Variants in DIP2A observed in about 807,000 individuals in gnomAD.
DIP2A encodes disco-interacting protein 2 homolog A.
DIP2A carries 85 observed loss-of-function variants against 177.4 expected under a neutral mutation model. The ratio of observed to expected loss-of-function variants is 0.48; its 90% CI spans 0.40 to 0.57. The LOEUF is 0.57. Ranked by LOEUF, DIP2A falls within the 20% of genes least tolerant of loss-of-function variation. The pLI is 0.00. For missense variants in DIP2A, 1,791 were observed against 2,100.2 expected, an observed-to-expected ratio of 0.85 and a Z score of 2.88; for synonymous variants, 886 against 881.8, an observed-to-expected ratio of 1.00 and a Z score of -0.08.
At chr21:46,558,094 C>A in intron 31 of DIP2A, 129 bp from the exon 32 acceptor site, 1 of 959,090 alleles carries the variant, frequency 1.0e-6, no homozygotes, top group Non-Finnish European at 1.5e-6. Flanking sequence ...ACAGACACAG[C>A]CTGCGGAGAG....
At position 46,533,586 on chromosome 21, in the gene DIP2A, C is replaced by T. The variant is rs1335360011; in HGVS notation, c.1368C>T (p.Thr456=). ...LGSCGVFLAL[T]TDACQKGLPK... is the part of the protein sequence containing the mutation. ...GCTGTGGAGTCTTCTTGGCCCTGAC[C>T]ACAGACGCTTGTCAGAAAGGCCTCC... Residue 456 remains threonine (T), a synonymous_variant, in exon 11 of 38, where the codon ACC becomes ACT. Transcript: ENST00000417564. The T allele has an allele frequency of 6.2e-7, 1 of 1,613,998 alleles. No homozygotes were observed. The highest frequency in any genetic ancestry group is 8.5e-7 in the Non-Finnish European group (1 of 1,179,890).
chr21:46,475,190 G>T (rs2055740441), intron 1 of DIP2A, among the ~76,000 whole-genome samples: 1 of 152,228 alleles, frequency 6.6e-6, no homozygotes. Context: ...TGCAAGGCTA[G>T]TCTAAGTTTT....
intron 13 of DIP2A, among the ~76,000 whole-genome samples, chr21:46,535,871 G>A (rs1009018893): frequency 6.6e-6 from 1 of 152,136 alleles, no homozygotes; most frequent in Non-Finnish European, 1.5e-5. Flanking sequence ...GAGCCCAGGA[G>A]TTTTGGGCTG....
chr21:46,511,334 A>G, intron 7 of DIP2A, 83 bp from the exon 8 acceptor site: 13 of 1,381,742 alleles, frequency 9.4e-6, no homozygotes, highest in Non-Finnish European at 1.3e-5. Flanking sequence ...AAAAAACAAT[A>G]TTATAAACTA....
chr21:46,484,809 T>G lies in DIP2A; in HGVS notation c.144T>G (p.Arg48=), dbSNP rs2056579264. 2.5e-6 allele frequency: 4 copies of G among 1,585,902 alleles called. No individual in the cohort carries two copies. The highest frequency in any genetic ancestry group is 3.4e-6 in the Non-Finnish European group (4 of 1,165,630). The stretch of plus-strand genomic sequence containing the variant: ...AGAAAAGGGCAAAGCTGCTTGCACG[T>G]TATATACCGCTTATTCAAGGTAAGG... ...YEKKRAKLLA[R]YIPLIQGIDP... is the part of the protein sequence containing the mutation. Residue 48 remains arginine (R), a synonymous_variant, in exon 2 of 38, where the codon CGT becomes CGG. Transcript: ENST00000417564.
At chr21:46,499,409 C>T (rs530674366) in intron 5 of DIP2A, among the ~76,000 whole-genome samples, 3 of 152,230 alleles carry the variant, frequency 2.0e-5, no homozygotes, top group African/African-American at 7.2e-5. Flanking sequence ...TTGACCTGGC[C>T]GCCTCTCTGT....
rs1238568050 is a variant in DIP2A, at chr21:46,498,385, C to T, written c.404-197C>T. 6.6e-6 allele frequency among the ~76,000 whole-genome samples: 1 copy of T among 152,124 alleles called. No homozygotes were observed. Among genetic ancestry groups the T allele is most frequent in the African/African-American group, 2.4e-5 (1 of 41,420 alleles). ...AGCTGGGGGCTCATGGAATCATTTT[C>T]CCCACAGTAGGGCTTCTTGCATGCC... On this transcript the variant is annotated intron_variant, in intron 4 of 37. Transcript: ENST00000417564. The surrounding 1 kb of genome is among the most constrained non-coding windows in gnomAD (Gnocchi z 4.3).
At chr21:46,570,024 ATTC>A (rs2060937427), downstream of DIP2A, among the ~76,000 whole-genome samples, 1 of 152,200 alleles carries the variant, frequency 6.6e-6, no homozygotes. Flanking sequence ...TATTACATAT[ATTC>A]TTCTACATGT....
At chr21:46,549,219 C>T (rs186387308) in intron 21 of DIP2A, among the ~76,000 whole-genome samples, 1 of 152,224 alleles carries the variant, frequency 6.6e-6, no homozygotes, top group Non-Finnish European at 1.5e-5. Context: ...GAATGGTAGA[C>T]ATCCTAACAT....
chr21:46,469,002 C>T (rs2055115027), intron 1 of DIP2A: 1 of 152,232 alleles, frequency 6.6e-6, no homozygotes, highest in African/African-American at 2.4e-5. Flanking sequence ...CTGCCTTCTA[C>T]TAAAGCCCCC....
intron 1 of DIP2A, 54 bp from the exon 2 acceptor site, chr21:46,484,703 T>A (rs1293158277): frequency 6.8e-7 from 1 of 1,468,740 alleles, no homozygotes; most frequent in Admixed American, 2.3e-5. Flanking sequence ...TGTTTAATTT[T>A]AAAATTTTGG....
At chr21:46,466,140 G>A (rs1409876114) in intron 1 of DIP2A, among the ~76,000 whole-genome samples, 1 of 152,226 alleles carries the variant, frequency 6.6e-6, no homozygotes, top group South Asian at 2.1e-4. Context: ...TAATGAATGA[G>A]TATTTGATAT....
intron 1 of DIP2A, among the ~76,000 whole-genome samples, chr21:46,474,579 A>G (rs564974833): frequency 1.2e-4 from 18 of 152,324 alleles, no homozygotes; most frequent in African/African-American, 3.8e-4. Flanking sequence ...ACCAATCATC[A>G]GGCAAAGATG....
intron 28 of DIP2A, 66 bp downstream of exon 28, chr21:46,554,999 C>A: frequency 6.7e-7 from 1 of 1,483,106 alleles, no homozygotes. Flanking sequence ...GTGGTGTGGC[C>A]TGGCTGCCGT....
intron 8 of DIP2A, among the ~76,000 whole-genome samples, chr21:46,526,615 G>C (rs972812006): frequency 7.2e-5 from 11 of 152,038 alleles, no homozygotes; most frequent in Non-Finnish European, 2.9e-5. Context: ...GGCTGGTCTT[G>C]AACGCCTCAG....
rs1363887957 is a variant in DIP2A at position 46,493,286 on chromosome 21, A to G, written c.283+2567A>G. Among the ~76,000 whole-genome samples the G allele has an allele frequency of 3.3e-5, 5 of 152,152 alleles. No homozygotes were observed. The South Asian group carries it at 8.3e-4, about 25-fold the overall frequency. Reference sequence around the variant, plus strand: ...ATACCCTATCAGGTTGATATTATCTATATTTTTAGTTCTAGGTTGTTTTTA... The same window carrying G: ...ATACCCTATCAGGTTGATATTATCTGTATTTTTAGTTCTAGGTTGTTTTTA... On this transcript the variant is annotated intron_variant, in intron 3 of 37. Coordinates refer to ENST00000417564, the MANE Select transcript of DIP2A (RefSeq NM_015151.4).
chr21:46,549,777 T>G lies in DIP2A; in HGVS notation c.2529T>G (p.Ala843=). ...TCCATGTCTCATCCCGCAGGATCGC[T>G]GTGTTCTCTGTGACCGTGCTGCACG... ...PMKFVYRGRI[A]VFSVTVLHDD... The change falls in exon 22 of 38, where the codon GCT becomes GCG. Residue 843 remains alanine, a synonymous_variant. Transcript: ENST00000417564. 6.2e-7 allele frequency: 1 copy of G among 1,613,816 alleles called. No individual in the cohort carries two copies. The highest frequency in any genetic ancestry group is 8.5e-7 in the Non-Finnish European group (1 of 1,180,024).
chr21:46,523,615 G>A (rs1234807845), intron 8 of DIP2A, among the ~76,000 whole-genome samples: 1 of 113,448 alleles, frequency 8.8e-6, no homozygotes, highest in African/African-American at 3.6e-5. Context: ...TACGGCCAAA[G>A]GTAACCTCCC....
At position 46,497,119 on chromosome 21, in the gene DIP2A, C is replaced by T. The variant is rs755142608; in HGVS notation, c.403+12C>T. The T allele has an allele frequency of 6.5e-6, 10 of 1,549,496 alleles. No individual in the cohort carries two copies. The East Asian group carries it at 1.9e-4, about 29-fold the overall frequency. On this transcript the variant is annotated intron_variant, in intron 4 of 37. Coordinates refer to ENST00000417564, the MANE Select transcript of DIP2A (RefSeq NM_015151.4). The stretch of plus-strand genomic sequence containing the variant: ...CTACACCCCTCCAGGTATTGATAAA[C>T]AATGTCAAGTGTGGCTTTTTTTTGA...
Sources: gnomAD v4.1 joint callset for allele counts (sites outside exome capture counted in the v4.1 genomes callset) on GRCh38, gnomAD v4.1.1 for gene constraint, Gnocchi (gnomAD v3.1) non-coding constraint, MANE v1.5 for transcripts, NCBI Gene and HGNC (gene_info 2026-07-23, HGNC 2026-07-21) for gene names.